TNFRSF10C: variants seen among roughly 807,000 people sequenced by gnomAD.
TNFRSF10C encodes TNF receptor superfamily member 10c.
In TNFRSF10C, 17 loss-of-function variants were observed where a neutral mutation model predicts 16.7. The observed-to-expected ratio is 1.02, with a 90% confidence interval of 0.70 to 1.53. The LOEUF (loss-of-function observed/expected upper bound fraction) is 1.53, where lower values mean the gene tolerates loss of function less well. Ranked by LOEUF, TNFRSF10C falls within the 40% of genes most tolerant of loss-of-function variation. The pLI is 0.00. For missense variants in TNFRSF10C, 237 were observed against 329.7 expected (o/e 0.72, Z 2.18); for synonymous variants, 73 against 119.7 (o/e 0.61, Z 2.55).
At chr8:23,114,433 T>C (rs905389882) in intron 2 of TNFRSF10C, 33 of 412,000 alleles carry the variant, frequency 8.0e-5, no homozygotes, top group African/African-American at 6.7e-4. Context: ...ATGGCTCTCA[T>C]AGAATTTGAA....
At chr8:23,107,485 G>T (rs1420212171) in intron 1 of TNFRSF10C, among the ~76,000 whole-genome samples, 1 of 152,100 alleles carries the variant, frequency 6.6e-6, no homozygotes, top group African/African-American at 2.4e-5. Context: ...TGTACACTTT[G>T]TTTCATGCCC....
intron 1 of TNFRSF10C, among the ~76,000 whole-genome samples, chr8:23,107,025 T>C (rs1035279774): frequency 6.6e-6 from 1 of 152,008 alleles, no homozygotes; most frequent in Admixed American, 6.5e-5. Flanking sequence ...TTCTTGCACC[T>C]GTTGTTTTTC....
At chr8:23,114,912 TA>T (rs571588821) in intron 3 of TNFRSF10C, 142 bp downstream of exon 3, 261 of 658,560 alleles carry the variant, frequency 4.0e-4, no homozygotes, top group Admixed American at 7.9e-4. Flanking sequence ...TTTGACTGAT[TA>T]AAAAAATAGA....
chr8:23,113,473 C>A (rs571171663), intron 2 of TNFRSF10C, among the ~76,000 whole-genome samples: 25 of 152,302 alleles, frequency 1.6e-4, no homozygotes, highest in African/African-American at 5.5e-4. Context: ...TTAATTTTTA[C>A]ATATGATGTG....
At chr8:23,110,836 G>A (rs1813867354) in intron 1 of TNFRSF10C, among the ~76,000 whole-genome samples, 1 of 152,196 alleles carries the variant, frequency 6.6e-6, no homozygotes, top group Admixed American at 6.5e-5. Context: ...GTGTGTGAGT[G>A]AGAGACAGAA....
chr8:23,106,427 G>A (rs1203317291), intron 1 of TNFRSF10C, among the ~76,000 whole-genome samples: 1 of 131,552 alleles, frequency 7.6e-6, no homozygotes, highest in African/African-American at 3.3e-5. Context: ...CCCCCCACCC[G>A]ATTTTTTTTT....
At chr8:23,105,365 C>T (rs1160365900) in intron 1 of TNFRSF10C, among the ~76,000 whole-genome samples, 1 of 152,210 alleles carries the variant, frequency 6.6e-6, no homozygotes, top group Non-Finnish European at 1.5e-5. Flanking sequence ...AGGCACCTGT[C>T]CTCCATCCAG....
At position 23,111,800 on chromosome 8, in the gene TNFRSF10C, C is replaced by T. The variant is rs1229546987; in HGVS notation, c.141C>T (p.Ser47=). Residue 47 remains serine, a synonymous_variant, in exon 2 of 5, where the codon AGC becomes AGT. Coordinates refer to ENST00000356864, the MANE Select transcript of TNFRSF10C (RefSeq NM_003841.5). ...TGGCCCCACAGCAACAGAGGCACAG[C>T]TTCAAGGGGGAGGAGTGTCCAGCAG... ...QTVAPQQQRH[S]FKGEECPAGS... is the part of the protein sequence containing the mutation. 3 of 1,613,994 alleles carry T rather than the reference C, an allele frequency of 1.9e-6. No individual in the cohort carries two copies. The East Asian group carries it at 6.7e-5, about 36-fold the overall frequency.
intron 1 of TNFRSF10C, among the ~76,000 whole-genome samples, chr8:23,106,300 G>GAGAGAGGCTGTGCTGT: frequency 6.6e-6 from 1 of 152,200 alleles, no homozygotes; most frequent in Non-Finnish European, 1.5e-5. Context: ...GGCTGTGCTG[G>GAGAGAGGCTGTGCTGT]AGAGAGGCCA....
intron 1 of TNFRSF10C, among the ~76,000 whole-genome samples, chr8:23,107,895 T>C (rs1390041779): frequency 6.6e-6 from 1 of 152,094 alleles, no homozygotes; most frequent in Non-Finnish European, 1.5e-5. Context: ...TGAAAGTAAA[T>C]AGATGGAAAA....
chr8:23,111,454 A>T (rs930976896), intron 1 of TNFRSF10C, among the ~76,000 whole-genome samples: 1 of 151,404 alleles, frequency 6.6e-6, no homozygotes, highest in Admixed American at 6.6e-5. Flanking sequence ...TGACCTTGTG[A>T]TCCACCTGCC....
chr8:23,117,064 C>T lies in TNFRSF10C; in HGVS notation c.*33C>T, dbSNP rs1374231194. ...CACTGTGGAAGAAATTCCTTCCTTA[C>T]CTGAAAGGTTCAGGTAGGCGCTGGC... On this transcript the variant is annotated 3_prime_UTR_variant, in exon 5 of 5. Coordinates refer to ENST00000356864, the MANE Select transcript of TNFRSF10C (RefSeq NM_003841.5). The T allele has an allele frequency of 6.2e-7, 1 of 1,605,512 alleles. No homozygotes were observed. Among genetic ancestry groups the T allele is most frequent in the South Asian group, 1.1e-5 (1 of 89,826 alleles).
chr8:23,103,086 CGACCCAG>C lies in TNFRSF10C; in HGVS notation c.-25_-19del, dbSNP rs774975007. ...GCCGCCTGATGGCCGAGGCAGGGTG[CGACCCAG>C]GACCCAGGACGGCGTCGGGAACCAT... On this transcript the variant is annotated 5_prime_UTR_variant, in exon 1 of 5. Transcript: ENST00000356864. 6.2e-7 allele frequency: 1 copy of C among 1,601,336 alleles called. No individual in the cohort carries two copies. Among genetic ancestry groups the C allele is most frequent in the East Asian group, 2.3e-5 (1 of 44,434 alleles).
intron 4 of TNFRSF10C, 139 bp from the exon 5 acceptor site, chr8:23,116,502 G>C: frequency 8.1e-7 from 1 of 1,238,014 alleles, no homozygotes; most frequent in Non-Finnish European, 1.1e-6. Context: ...AGGGAACTTG[G>C]GGGACCCCCT....
At chr8:23,112,707 C>T (rs1359892072) in intron 2 of TNFRSF10C, among the ~76,000 whole-genome samples, 2 of 152,200 alleles carry the variant, frequency 1.3e-5, no homozygotes, top group Non-Finnish European at 2.9e-5. Context: ...TTTTCTTTAA[C>T]TTTTCATCCA....
At chr8:23,107,245 A>C (rs1813795822) in intron 1 of TNFRSF10C, among the ~76,000 whole-genome samples, 1 of 152,236 alleles carries the variant, frequency 6.6e-6, no homozygotes. Flanking sequence ...CGTGTGAAGG[A>C]ATCCACACAG....
intron 1 of TNFRSF10C, among the ~76,000 whole-genome samples, chr8:23,110,905 C>T (rs1197451923): frequency 1.3e-5 from 2 of 152,150 alleles, no homozygotes; most frequent in Non-Finnish European, 2.9e-5. Context: ...GCTATTTCTG[C>T]ATGAAGGGCT....
chr8:23,109,343 C>T (rs1353302606), intron 1 of TNFRSF10C, among the ~76,000 whole-genome samples: 5 of 151,782 alleles, frequency 3.3e-5, no homozygotes, highest in South Asian at 2.1e-4. Flanking sequence ...AAAGAAAAAA[C>T]GTGAAAATTA....
At chr8:23,114,337 C>T (rs1018644729) in intron 2 of TNFRSF10C, among the ~76,000 whole-genome samples, 10 of 152,156 alleles carry the variant, frequency 6.6e-5, no homozygotes, top group African/African-American at 2.2e-4. Context: ...GTATTGATTA[C>T]ATGTTGAAAT....
Sources: allele counts gnomAD v4.1 joint callset (sites outside exome capture counted in the v4.1 genomes callset), GRCh38; gene constraint gnomAD v4.1.1; transcripts MANE v1.5; gene names NCBI Gene and HGNC (gene_info 2026-07-23, HGNC 2026-07-21).